Variants in PRKN observed in about 807,000 individuals in gnomAD.
PRKN encodes E3 ubiquitin-protein ligase parkin.
A neutral mutation model predicts 59.5 loss-of-function variants in PRKN; 56 were observed. That is an observed-to-expected ratio of 0.94 (90% CI 0.76 to 1.18). The LOEUF (loss-of-function observed/expected upper bound fraction) is 1.18. Ranked by LOEUF, PRKN falls within the 50% of genes most tolerant of loss-of-function variation. The pLI is 0.00. For missense variants in PRKN, 657 were observed against 596.4 expected, an observed-to-expected ratio of 1.10 and a Z score of -1.06; for synonymous variants, 250 against 222.1, an observed-to-expected ratio of 1.13 and a Z score of -1.12.
At chr6:161,923,597 CTCTT>C (rs35605857) in intron 6 of PRKN, among the ~76,000 whole-genome samples, 38,915 of 151,954 alleles carry the variant, frequency 0.26, 5,153 homozygotes, top group Middle Eastern at 0.35. Context: ...GTGAGATTTC[CTCTT>C]TCTGTCTCTA....
At chr6:161,740,252 T>C (rs79964161) in intron 7 of PRKN, among the ~76,000 whole-genome samples, 397 of 152,374 alleles carry the variant, frequency 2.6e-3, no homozygotes, top group African/African-American at 8.9e-3. Flanking sequence ...ATTAATTTTA[T>C]GGATCCTCGA....
At chr6:162,586,179 T>C (rs760854435) in intron 1 of PRKN, among the ~76,000 whole-genome samples, 6 of 152,100 alleles carry the variant, frequency 3.9e-5, no homozygotes, top group Non-Finnish European at 8.8e-5. Flanking sequence ...AAGGGGAAAG[T>C]TGTATATAAG....
intron 7 of PRKN, among the ~76,000 whole-genome samples, chr6:161,743,237 T>C (rs1788266992): frequency 7.1e-6 from 1 of 141,378 alleles, no homozygotes; most frequent in Non-Finnish European, 1.5e-5. Context: ...TTTTTTTTTT[T>C]TTGAGACGGA....
At chr6:162,422,061 G>A (rs966485825) in intron 2 of PRKN, among the ~76,000 whole-genome samples, 1 of 152,120 alleles carries the variant, frequency 6.6e-6, no homozygotes, top group Non-Finnish European at 1.5e-5. Context: ...GCAGATCATG[G>A]TTTGCCACTG....
intron 3 of PRKN, among the ~76,000 whole-genome samples, chr6:162,245,003 C>A (rs58729079): frequency 0.071 from 10,749 of 151,990 alleles, 642 homozygotes; most frequent in African/African-American, 0.15. Flanking sequence ...TTCTCTTGAG[C>A]GTAAAATATT....
intron 7 of PRKN, among the ~76,000 whole-genome samples, chr6:161,781,340 T>C (rs993588900): frequency 4.6e-5 from 7 of 152,166 alleles, no homozygotes; most frequent in African/African-American, 1.7e-4. Context: ...AAAAAATGTG[T>C]AGAAGGATTC....
At chr6:162,169,214 T>C (rs946985257) in intron 4 of PRKN, among the ~76,000 whole-genome samples, 1 of 152,182 alleles carries the variant, frequency 6.6e-6, no homozygotes, top group African/African-American at 2.4e-5. Flanking sequence ...AACACTGGCT[T>C]CAAAGTCAGA....
At chr6:161,713,426 A>G (rs544407864) in intron 7 of PRKN, among the ~76,000 whole-genome samples, 7 of 152,260 alleles carry the variant, frequency 4.6e-5, no homozygotes, top group African/African-American at 1.7e-4. Flanking sequence ...TTCTGGGCCA[A>G]TCTGGAGGCT....
intron 6 of PRKN, among the ~76,000 whole-genome samples, chr6:161,797,653 T>C (rs1227286192): frequency 6.6e-6 from 1 of 152,212 alleles, no homozygotes; most frequent in African/African-American, 2.4e-5. Context: ...GCCGAAAAGA[T>C]TGTAGACATC....
At chr6:161,430,759 G>A (rs1260167536) in intron 9 of PRKN, among the ~76,000 whole-genome samples, 9 of 145,960 alleles carry the variant, frequency 6.2e-5, no homozygotes, top group African/African-American at 2.3e-4. Context: ...AGCTTGCAGT[G>A]AGCCAAGATT....
intron 5 of PRKN, among the ~76,000 whole-genome samples, chr6:161,980,890 C>G (rs932409669): frequency 4.6e-5 from 7 of 152,148 alleles, no homozygotes; most frequent in Non-Finnish European, 1.0e-4. Context: ...GTGACACATT[C>G]TAATCAGCCT....
rs554848731 is a variant in PRKN, at chr6:161,989,438, T to C, written c.619-16021A>G. Among the ~76,000 whole-genome samples, 13 of 152,190 alleles carry C rather than the reference T, an allele frequency of 8.5e-5. No homozygotes were observed. In the South Asian group the frequency reaches 2.7e-3, roughly 32 times the overall value. Reference sequence around the variant, plus strand: ...CTGGGGGTCAACCTACCATACCTGTTGCCACTGGCAACTGTGTATGATTGC... The same window carrying C: ...CTGGGGGTCAACCTACCATACCTGTCGCCACTGGCAACTGTGTATGATTGC... On this transcript the variant is annotated intron_variant, in intron 5 of 11. Transcript: ENST00000366898.
chr6:162,145,273 C>A (rs59036433), intron 4 of PRKN, among the ~76,000 whole-genome samples: 3,008 of 152,156 alleles, frequency 0.02, 92 homozygotes, highest in African/African-American at 0.064. Context: ...ACAGTTCGTA[C>A]CAGTGTTCAA....
chr6:161,965,222 A>G (rs1583413933), intron 6 of PRKN, among the ~76,000 whole-genome samples: 1 of 152,088 alleles, frequency 6.6e-6, no homozygotes, highest in East Asian at 1.9e-4. Context: ...AATAAGCCGA[A>G]TGAATTTTAT....
intron 9 of PRKN, among the ~76,000 whole-genome samples, chr6:161,522,444 C>T (rs994059431): frequency 9.9e-5 from 15 of 152,224 alleles, no homozygotes; most frequent in African/African-American, 3.4e-4. Flanking sequence ...GCTTCTCTGA[C>T]TCCCTACTGA....
chr6:162,567,002 G>C (rs1583819526), intron 1 of PRKN, among the ~76,000 whole-genome samples: 1 of 152,114 alleles, frequency 6.6e-6, no homozygotes, highest in South Asian at 2.1e-4. Context: ...CAGAATGAAA[G>C]ATAAAAATCA....
chr6:162,366,238 A>T (rs980606838), intron 2 of PRKN, among the ~76,000 whole-genome samples: 56 of 152,158 alleles, frequency 3.7e-4, no homozygotes, highest in Non-Finnish European at 7.2e-4. Context: ...TTTATCTCCA[A>T]ATTAATCATT....
At chr6:161,500,975 A>C (rs1367025276) in intron 9 of PRKN, among the ~76,000 whole-genome samples, 2 of 148,586 alleles carry the variant, frequency 1.3e-5, no homozygotes, top group Non-Finnish European at 3.0e-5. Flanking sequence ...TCCTGGGTTC[A>C]AGCGATTCTC....
Position 162,321,055 on chromosome 6 carries a change from GAAC to G in PRKN, c.172-58293_172-58291del, listed in dbSNP as rs1411032306. ...TGAAAAATCACTGGTTGAGAAAACA[GAAC>G]AATAGGAAAAAGACCATGAAACCAC... On this transcript the variant is annotated intron_variant, in intron 2 of 11. Coordinates refer to ENST00000366898, the MANE Select transcript of PRKN (RefSeq NM_004562.3). Among the ~76,000 whole-genome samples the G allele has an allele frequency of 2.0e-5, 3 of 151,722 alleles. No homozygotes were observed. In the South Asian group the frequency reaches 6.2e-4, roughly 31 times the overall value.
Sources: gnomAD v4.1 joint callset for allele counts (sites outside exome capture counted in the v4.1 genomes callset) on GRCh38, gnomAD v4.1.1 for gene constraint, MANE v1.5 for transcripts, NCBI Gene and HGNC (gene_info 2026-07-23, HGNC 2026-07-21) for gene names.